Variants in ARSJ observed in about 807,000 individuals in gnomAD.
ARSJ encodes the protein arylsulfatase J.
A neutral mutation model predicts 35.9 loss-of-function variants in ARSJ; 26 were observed. That is an observed-to-expected ratio of 0.72 (90% CI 0.53 to 1.00). The LOEUF is 1.00. Among genes scored for constraint, ARSJ ranks in the 50% least tolerant of loss-of-function variants. ARSJ has a pLI of 0.00. For synonymous variants in ARSJ, 294 were observed against 267.6 expected (o/e 1.10, Z -0.96); for missense variants, 667 against 723.6 (o/e 0.92, Z 0.90).
At chr4:113,916,844 T>A (rs984501598) in intron 1 of ARSJ, among the ~76,000 whole-genome samples, 2 of 152,138 alleles carry the variant, frequency 1.3e-5, no homozygotes, top group Non-Finnish European at 2.9e-5. Flanking sequence ...GGGAGACACA[T>A]GTTACCTTGC....
In ARSJ at chr4:113,902,084, C is replaced by T; in HGVS notation, c.*190G>A. 2 of 1,551,296 alleles carry T rather than the reference C, an allele frequency of 1.3e-6. No homozygotes were observed. The highest frequency in any genetic ancestry group is 1.2e-5 in the South Asian group (1 of 86,352). On this transcript the variant is annotated 3_prime_UTR_variant, in exon 2 of 2. Transcript: ENST00000315366. The stretch of plus-strand genomic sequence containing the variant: ...CTCTAAGTGTGGCTTGCAAGAGTAG[C>T]ACCTTGGCACTGAGCAGGACAGTTT...
At chr4:113,918,958 C>T (rs1482523874) in intron 1 of ARSJ, among the ~76,000 whole-genome samples, 1 of 152,052 alleles carries the variant, frequency 6.6e-6, no homozygotes, top group Non-Finnish European at 1.5e-5. Flanking sequence ...ATGCCCAGAA[C>T]ATTTTTTCTT....
Position 113,978,845 on chromosome 4 carries a change from C to T in ARSJ, c.-11G>A. 6.3e-7 allele frequency: 1 copy of T among 1,582,076 alleles called. No homozygotes were observed. The highest frequency in any genetic ancestry group is 8.6e-7 in the Non-Finnish European group (1 of 1,166,490). ...GCCCCTGGGAGCCATTCACTCAGGT[C>T]CCAGGTGAGACTCCACGCGGAGAAC... is the stretch of plus-strand genomic sequence containing the variant. On this transcript the variant is annotated 5_prime_UTR_variant, in exon 1 of 2. Transcript: ENST00000315366.
chr4:113,923,110 G>T (rs1362251390), intron 1 of ARSJ, among the ~76,000 whole-genome samples: 1 of 152,124 alleles, frequency 6.6e-6, no homozygotes, highest in East Asian at 1.9e-4. Flanking sequence ...TTTCTCCTCT[G>T]GGTCTCCAGC....
At position 113,978,498 on chromosome 4, in the gene ARSJ, G is replaced by C; in HGVS notation, c.337C>G (p.Leu113Val). The C allele has an allele frequency of 6.2e-7, 1 of 1,614,162 alleles. No individual in the cohort carries two copies. The highest frequency in any genetic ancestry group is 8.5e-7 in the Non-Finnish European group (1 of 1,179,974). Residue 113 changes from leucine to valine, a missense_variant, in exon 1 of 2, where the codon CTG becomes GTG. Physicochemically the swap from Leu to Val is conservative, Grantham distance 32 (BLOSUM62 1). Transcript: ENST00000315366. The stretch of plus-strand genomic sequence containing the variant: ...ATAGGCTGGACATAGTAGTTCTCCA[G>C]TTTAACTCCTTCGGCAGCGAGCTTG... ...LDKLAAEGVK[L>V]ENYYVQPICT...
chr4:113,905,264 G>A (rs1002236473), intron 1 of ARSJ, among the ~76,000 whole-genome samples: 2 of 152,152 alleles, frequency 1.3e-5, no homozygotes, highest in East Asian at 1.9e-4. Context: ...GGGTAAATAT[G>A]TAAATAATCT....
Position 113,969,654 on chromosome 4 carries a change from T to TA in ARSJ, c.398+8782_398+8783insT, listed in dbSNP as rs1179879101. Among the ~76,000 whole-genome samples the TA allele has an allele frequency of 1.4e-3, 214 of 152,224 alleles. 1 individual carries two copies. Among genetic ancestry groups the TA allele is most frequent in the African/African-American group, 4.9e-3 (202 of 41,536 alleles). On this transcript the variant is annotated intron_variant, in intron 1 of 1. Coordinates refer to ENST00000315366, the MANE Select transcript of ARSJ (RefSeq NM_024590.4). ...ATGAAAACAATGCATCTCAGAAATA[T>TA]CAAAAAATGTATTCAAGGTCAAAGT... is the stretch of plus-strand genomic sequence containing the variant.
At chr4:113,960,841 C>T (rs1726500078) in intron 1 of ARSJ, among the ~76,000 whole-genome samples, 1 of 151,990 alleles carries the variant, frequency 6.6e-6, no homozygotes, top group Non-Finnish European at 1.5e-5. Flanking sequence ...GGCAGAAGTG[C>T]CCCGAGCCTG....
At chr4:113,911,719 G>C (rs910048026) in intron 1 of ARSJ, among the ~76,000 whole-genome samples, 1 of 152,086 alleles carries the variant, frequency 6.6e-6, no homozygotes, top group South Asian at 2.1e-4. Flanking sequence ...AATGATTCCT[G>C]CCCTGCATTT....
chr4:113,955,340 T>G (rs1397313210), intron 1 of ARSJ, among the ~76,000 whole-genome samples: 1 of 151,994 alleles, frequency 6.6e-6, no homozygotes, highest in Non-Finnish European at 1.5e-5. Context: ...TTGGTTATTA[T>G]TTAAATATTA....
rs561846794 is a variant in ARSJ at position 113,978,813 on chromosome 4, C to T, written c.22G>A (p.Gly8Arg). 4 of 1,609,142 alleles carry T rather than the reference C, an allele frequency of 2.5e-6. No individual in the cohort carries two copies. Among genetic ancestry groups the T allele is most frequent in the East Asian group, 2.2e-5 (1 of 44,850 alleles). The change falls in exon 1 of 2, where the codon GGG (glycine) becomes AGG (arginine). Residue 8 changes from glycine to arginine, a missense_variant. Gly to Arg is a moderately radical substitution (Grantham distance 125). Transcript: ENST00000315366. MAPRGCA[G>R]HPPPPSPQAC... ...TGTGGAGAAGGCGGAGGCGGATGCC[C>T]CGCACAGCCCCTGGGAGCCATTCAC...
At chr4:113,931,147 C>G (rs1724421630) in intron 1 of ARSJ, among the ~76,000 whole-genome samples, 1 of 150,562 alleles carries the variant, frequency 6.6e-6, no homozygotes, top group African/African-American at 2.4e-5. Context: ...ACACAATGTG[C>G]ACATGTACCC....
At chr4:113,914,843 A>G (rs753099844) in intron 1 of ARSJ, among the ~76,000 whole-genome samples, 1 of 152,238 alleles carries the variant, frequency 6.6e-6, no homozygotes, top group Non-Finnish European at 1.5e-5. Context: ...TCCACAGTAG[A>G]GAATAATTTT....
At chr4:113,944,733 T>C (rs1334994193) in intron 1 of ARSJ, among the ~76,000 whole-genome samples, 1 of 152,030 alleles carries the variant, frequency 6.6e-6, no homozygotes, top group Admixed American at 6.6e-5. Flanking sequence ...ATACAAATGA[T>C]TTTTGCCATA....
At chr4:113,948,166 G>A (rs142728775) in intron 1 of ARSJ, among the ~76,000 whole-genome samples, 2,701 of 152,180 alleles carry the variant, frequency 0.018, 92 homozygotes, top group East Asian at 0.17. Flanking sequence ...TCCAGCCTGG[G>A]TGACAGAGCG....
intron 1 of ARSJ, among the ~76,000 whole-genome samples, chr4:113,958,687 G>A (rs1427623140): frequency 6.6e-6 from 1 of 152,080 alleles, no homozygotes; most frequent in Non-Finnish European, 1.5e-5. Flanking sequence ...GGAGAAGGAT[G>A]TGGCATTGAT....
intron 1 of ARSJ, among the ~76,000 whole-genome samples, chr4:113,964,905 T>G (rs1270315950): frequency 1.3e-5 from 2 of 152,246 alleles, no homozygotes; most frequent in South Asian, 4.1e-4. Context: ...CTTACAGTCC[T>G]AAATATCTAA....
rs143529996 is a variant in ARSJ, at chr4:113,960,643, C to A, written c.398+17794G>T. 7.0e-4 allele frequency among the ~76,000 whole-genome samples: 107 copies of A among 152,168 alleles called. 1 individual carries two copies. In the East Asian group the frequency reaches 0.02, roughly 28 times the overall value. On this transcript the variant is annotated intron_variant, in intron 1 of 1. Transcript: ENST00000315366. ...CTGTAGCTTTTTATTATTGCTGCTG[C>A]TGATTCATTATTTTTACATTTTATA...
chr4:113,969,865 G>A (rs1367174010), intron 1 of ARSJ, among the ~76,000 whole-genome samples: 1 of 152,198 alleles, frequency 6.6e-6, no homozygotes, highest in East Asian at 1.9e-4. Context: ...TGGATTGGGT[G>A]CTGTGAGATT....
Sources: gnomAD v4.1 joint callset for allele counts (sites outside exome capture counted in the v4.1 genomes callset) on GRCh38, gnomAD v4.1.1 for gene constraint, MANE v1.5 for transcripts, NCBI Gene and HGNC (gene_info 2026-07-23, HGNC 2026-07-21) for gene names.